RBFOX1: variants seen among roughly 807,000 people sequenced by gnomAD.
The protein encoded by RBFOX1 is RNA binding fox-1 homolog 1.
A neutral mutation model predicts 57.7 loss-of-function variants in RBFOX1; 8 were observed. The ratio of observed to expected loss-of-function variants is 0.14; its 90% confidence interval spans 0.08 to 0.25. RBFOX1 has a LOEUF of 0.25. Among genes scored for constraint, RBFOX1 ranks in the 10% least tolerant of loss-of-function variants. RBFOX1 has a pLI of 1.00. For synonymous variants in RBFOX1, 326 were observed against 222.4 expected (o/e 1.47, Z -4.15); for missense variants, 611 against 548.5 (o/e 1.11, Z -1.14).
At chr16:6,850,653 A>C (rs898238199) in intron 3 of RBFOX1, among the ~76,000 whole-genome samples, 1 of 152,182 alleles carries the variant, frequency 6.6e-6, no homozygotes, top group African/African-American at 2.4e-5. Flanking sequence ...CAATATTTCT[A>C]CCTTCTTTCA....
At chr16:5,351,748 C>T (rs923921879) in intron 1 of RBFOX1, among the ~76,000 whole-genome samples, 1 of 152,054 alleles carries the variant, frequency 6.6e-6, no homozygotes, top group East Asian at 1.9e-4. Flanking sequence ...TGTGAGTGAC[C>T]CTGGTTATCT....
chr16:6,778,092 G>T (rs114340919), intron 3 of RBFOX1, among the ~76,000 whole-genome samples: 1,808 of 152,178 alleles, frequency 0.012, 40 homozygotes, highest in African/African-American at 0.04. Context: ...TTGAAAGTGG[G>T]ATGCACTGTT....
chr16:6,721,138 C>T (rs527818081), intron 3 of RBFOX1, among the ~76,000 whole-genome samples: 12 of 152,096 alleles, frequency 7.9e-5, no homozygotes, highest in African/African-American at 1.4e-4. Flanking sequence ...GTAAAGTACA[C>T]GTAACATAAA....
chr16:6,704,934 C>T (rs1335928410), intron 3 of RBFOX1: 4 of 152,056 alleles, frequency 2.6e-5, no homozygotes, highest in African/African-American at 7.2e-5. Flanking sequence ...AATAACGGAT[C>T]GCACTTATCC....
chr16:7,209,861 C>A (rs1441309524), intron 4 of RBFOX1, among the ~76,000 whole-genome samples: 2 of 152,140 alleles, frequency 1.3e-5, no homozygotes, highest in Non-Finnish European at 2.9e-5. Context: ...TGAAGTGGCA[C>A]ACACACTCTC....
At chr16:5,277,201 C>T (rs1181035392) in intron 1 of RBFOX1, among the ~76,000 whole-genome samples, 1 of 151,832 alleles carries the variant, frequency 6.6e-6, no homozygotes, top group Non-Finnish European at 1.5e-5. Context: ...TGAAGTAACT[C>T]AGGAATGGAA....
upstream of RBFOX1, among the ~76,000 whole-genome samples, chr16:6,014,973 A>C (rs1200081845): frequency 1.3e-5 from 2 of 151,500 alleles, no homozygotes; most frequent in African/African-American, 2.4e-5. Flanking sequence ...CCCCCACCTC[A>C]GCCTCCCAAG....
At chr16:6,834,042 C>T (rs915034070) in intron 3 of RBFOX1, among the ~76,000 whole-genome samples, 7 of 148,522 alleles carry the variant, frequency 4.7e-5, no homozygotes, top group Non-Finnish European at 1.0e-4. Context: ...GTTGGGGGTA[C>T]CTGATCCAAT....
chr16:6,138,648 A>C (rs1257207314), intron 1 of RBFOX1, among the ~76,000 whole-genome samples: 2 of 152,038 alleles, frequency 1.3e-5, no homozygotes, highest in Non-Finnish European at 2.9e-5. Flanking sequence ...CGGACAGATC[A>C]CGAGGTCAGG....
intron 1 of RBFOX1, among the ~76,000 whole-genome samples, chr16:6,165,209 A>G (rs2096908415): frequency 6.6e-6 from 1 of 152,342 alleles, no homozygotes; most frequent in Non-Finnish European, 1.5e-5. Flanking sequence ...ACGGAACAAG[A>G]TAATGTAAAA....
At chr16:5,509,340 C>G (rs938242062) in intron 2 of RBFOX1, among the ~76,000 whole-genome samples, 1 of 152,198 alleles carries the variant, frequency 6.6e-6, no homozygotes. Context: ...AACCATGGTA[C>G]TCCCTGTGAA....
intron 4 of RBFOX1, among the ~76,000 whole-genome samples, chr16:7,244,390 G>T (rs371709734): frequency 6.6e-6 from 1 of 151,998 alleles, no homozygotes; most frequent in Non-Finnish European, 1.5e-5. Context: ...GACCATGCTG[G>T]TCCTTTTTCC....
chr16:6,724,241 C>G (rs961433494), intron 3 of RBFOX1, among the ~76,000 whole-genome samples: 11 of 143,858 alleles, frequency 7.6e-5, no homozygotes, highest in Non-Finnish European at 1.1e-4. Context: ...TGGAGTTTCA[C>G]TCTTGTCACC....
rs556840306 is a variant in RBFOX1, at chr16:7,299,422, C to G, written c.28-218725C>G. ...TTTAGTCCTGGACTCACTGACAACC[C>G]ACACCCAAACTAGAAAGCTAGAGGA... is the stretch of plus-strand genomic sequence containing the variant. On this transcript the variant is annotated intron_variant, in intron 4 of 15. Transcript: ENST00000550418. 4.6e-5 allele frequency among the ~76,000 whole-genome samples: 7 copies of G among 152,270 alleles called. No individual in the cohort carries two copies. In the South Asian group the frequency reaches 1.5e-3, roughly 32 times the overall value.
intron 5 of RBFOX1, among the ~76,000 whole-genome samples, chr16:7,567,048 T>C (rs2152728373): frequency 6.6e-6 from 1 of 151,706 alleles, no homozygotes; most frequent in South Asian, 2.1e-4. Flanking sequence ...TGGAACTGAC[T>C]GCCTGAGCGA....
rs187874765 is a variant in RBFOX1 at position 7,299,771 on chromosome 16, C to T, written c.28-218376C>T. ...ACATTAGAAGTGCCAAACTTCTCAC[C>T]CCTATCCCTAGTAGATTGACCCAAG... On this transcript the variant is annotated intron_variant, in intron 4 of 15. Transcript: ENST00000550418. Among the ~76,000 whole-genome samples the T allele has an allele frequency of 2.6e-5, 4 of 152,276 alleles. No individual in the cohort carries two copies. The East Asian group carries it at 7.7e-4, about 29-fold the overall frequency.
rs150627761 is a variant in RBFOX1, at chr16:6,197,516, A to G, written c.-126-119479A>G. On this transcript the variant is annotated intron_variant, in intron 1 of 15. Coordinates refer to ENST00000550418, the MANE Select transcript of RBFOX1 (RefSeq NM_018723.4). The stretch of plus-strand genomic sequence containing the variant: ...CACAATTAATGGTTAATTCCCATCA[A>G]CTAACTTCTCTATAATTTCTTGAAC... 6.2e-4 allele frequency among the ~76,000 whole-genome samples: 94 copies of G among 152,004 alleles called. 2 individuals are homozygous for G. The highest frequency in any genetic ancestry group is 2.2e-3 in the African/African-American group (91 of 41,532).
At chr16:7,270,014 G>A (rs2095278549) in intron 4 of RBFOX1, among the ~76,000 whole-genome samples, 1 of 152,108 alleles carries the variant, frequency 6.6e-6, no homozygotes, top group Admixed American at 6.5e-5. Flanking sequence ...GTTTCGTAAT[G>A]CCAAGAGTAA....
At position 5,909,090 on chromosome 16, in the gene RBFOX1, C is replaced by CTTTT. The variant is rs3041577; in HGVS notation, c.351+41772_351+41775dup. ...ATCGGCTCCAACAGACTAAGCCCCC[C>CTTTT]TTTTTTTTTTTTTTTTTTTTGAGAC... On this transcript the variant is annotated intron_variant, in intron 4 of 19. Coordinates refer to the RBFOX1 transcript ENST00000641259. Among the ~76,000 whole-genome samples the CTTTT allele has an allele frequency of 2.0e-3, 236 of 116,376 alleles. 20 individuals are homozygous for CTTTT. The highest frequency in any genetic ancestry group is 0.014 in the Middle Eastern group (2 of 148). The allele number at this position is 116,376 out of a possible 152,430, so 76.3% of individuals were successfully genotyped here.
Sources: gnomAD v4.1 joint callset for allele counts (sites outside exome capture counted in the v4.1 genomes callset) on GRCh38, gnomAD v4.1.1 for gene constraint, MANE v1.5 for transcripts, NCBI Gene and HGNC (gene_info 2026-07-23, HGNC 2026-07-21) for gene names.